Variants in SLC10A6 observed in about 807,000 individuals in gnomAD.
The protein encoded by SLC10A6 is sodium-dependent organic anion transporter.
In SLC10A6, 27 loss-of-function variants were observed where a neutral mutation model predicts 30.0. That is an observed-to-expected ratio of 0.90 (90% CI 0.66 to 1.24). The LOEUF (loss-of-function observed/expected upper bound fraction) is 1.24, where lower values mean the gene tolerates loss of function less well. Ranked by LOEUF, SLC10A6 falls within the 50% of genes most tolerant of loss-of-function variation. The pLI is 0.00. For synonymous variants in SLC10A6, 166 were observed against 173.8 expected, an observed-to-expected ratio of 0.95 and a Z score of 0.36; for missense variants, 439 against 457.0, an observed-to-expected ratio of 0.96 and a Z score of 0.36.
intron 2 of SLC10A6, among the ~76,000 whole-genome samples, chr4:86,832,500 G>A (rs567621533): frequency 7.2e-5 from 11 of 152,048 alleles, no homozygotes; most frequent in Non-Finnish European, 8.8e-5. Flanking sequence ...CCAGCTACTC[G>A]GAAGGCTGAG....
intron 1 of SLC10A6, among the ~76,000 whole-genome samples, chr4:86,837,398 A>G (rs1046454289): frequency 2.0e-5 from 3 of 152,034 alleles, no homozygotes; most frequent in Non-Finnish European, 4.4e-5. Flanking sequence ...ATCATGTTGT[A>G]CACCATAAAT....
chr4:86,838,213 T>C (rs1183789743), intron 1 of SLC10A6, among the ~76,000 whole-genome samples: 1 of 152,208 alleles, frequency 6.6e-6, no homozygotes, highest in Admixed American at 6.5e-5. Flanking sequence ...AAATTAGCGA[T>C]CCTGCTTCTA....
intron 1 of SLC10A6, among the ~76,000 whole-genome samples, chr4:86,837,281 A>AAGAAAGAGAGAG (rs34533020): frequency 3.3e-5 from 3 of 90,378 alleles, no homozygotes; most frequent in African/African-American, 1.5e-4. Context: ...GAAAGAAAGA[A>AAGAAAGAGAGAG]AGAAAAAGAA....
chr4:86,839,920 T>A (rs893742545), intron 1 of SLC10A6, among the ~76,000 whole-genome samples: 14 of 151,254 alleles, frequency 9.3e-5, no homozygotes, highest in African/African-American at 2.7e-4. Flanking sequence ...TTTTTTATTT[T>A]TTTTTTTTAG....
intron 5 of SLC10A6, among the ~76,000 whole-genome samples, chr4:86,824,219 G>A (rs1248288820): frequency 3.3e-5 from 5 of 152,176 alleles, no homozygotes; most frequent in African/African-American, 7.2e-5. Flanking sequence ...CAAATACTGC[G>A]AGTGCTTACT....
At chr4:86,825,385 G>GT (rs1456532967) in intron 5 of SLC10A6, 35 bp downstream of exon 5, 1 of 1,550,276 alleles carries the variant, frequency 6.5e-7, no homozygotes, top group Non-Finnish European at 8.8e-7. Context: ...ACAATTTCCC[G>GT]TCAGTTATTT....
At chr4:86,832,918 T>C (rs1215258747) in intron 2 of SLC10A6, among the ~76,000 whole-genome samples, 1 of 152,170 alleles carries the variant, frequency 6.6e-6, no homozygotes, top group East Asian at 1.9e-4. Context: ...AGTTAAACCT[T>C]GGAGTATAAA....
intron 1 of SLC10A6, among the ~76,000 whole-genome samples, chr4:86,838,912 CAAAAAAA>C (rs149710895): frequency 4.0e-5 from 3 of 75,942 alleles, no homozygotes; most frequent in African/African-American, 1.0e-4. Flanking sequence ...GACAGTGTCT[CAAAAAAA>C]AAAAAAAAAA....
chr4:86,845,781 A>G (rs1361310681), intron 1 of SLC10A6, among the ~76,000 whole-genome samples: 1 of 152,224 alleles, frequency 6.6e-6, no homozygotes, highest in Non-Finnish European at 1.5e-5. Context: ...TTGAGTGGCC[A>G]TGGCGAGAAT....
chr4:86,843,764 T>TATA (rs919369538), intron 1 of SLC10A6, among the ~76,000 whole-genome samples: 1 of 152,106 alleles, frequency 6.6e-6, no homozygotes, highest in African/African-American at 2.4e-5. Context: ...GCCTGCCTTA[T>TATA]ATAATAATAA....
intron 3 of SLC10A6, among the ~76,000 whole-genome samples, chr4:86,829,738 C>T (rs1578754591): frequency 2.6e-5 from 4 of 151,102 alleles, no homozygotes; most frequent in South Asian, 4.2e-4. Flanking sequence ...TTACATTAGC[C>T]TAGTTTTTTT....
intron 4 of SLC10A6, among the ~76,000 whole-genome samples, chr4:86,827,297 T>A (rs531107415): frequency 1.6e-4 from 24 of 152,238 alleles, no homozygotes; most frequent in Non-Finnish European, 1.9e-4. Flanking sequence ...TCTAGCTCTA[T>A]GAACTTGGTC....
rs1394675638 is a variant in SLC10A6, at chr4:86,831,828, A to G, written c.549T>C (p.Asn183=). 6.2e-7 allele frequency: 1 copy of G among 1,613,558 alleles called. No individual in the cohort carries two copies. Among genetic ancestry groups the G allele is most frequent in the Non-Finnish European group, 8.5e-7 (1 of 1,179,742 alleles). The stretch of plus-strand genomic sequence containing the variant: ...TTTTGGATTGTTTTGGCCATCTGTA[A>G]TTCACATAGACACCAAAGGCCACAG... ...TIPVAFGVYV[N]YRWPKQSKII... is the part of the protein sequence containing the mutation. Residue 183 remains asparagine (N), a synonymous_variant, in exon 3 of 6, where the codon AAT becomes AAC. Coordinates refer to ENST00000273905, the MANE Select transcript of SLC10A6 (RefSeq NM_197965.3).
intron 1 of SLC10A6, among the ~76,000 whole-genome samples, chr4:86,843,081 G>A (rs1457561796): frequency 2.6e-5 from 4 of 151,934 alleles, no homozygotes; most frequent in Non-Finnish European, 5.9e-5. Flanking sequence ...ATGTTGGCCA[G>A]GCTGGTCTCG....
chr4:86,847,502 C>T (rs1290101900), intron 1 of SLC10A6, among the ~76,000 whole-genome samples: 1 of 152,004 alleles, frequency 6.6e-6, no homozygotes, highest in Non-Finnish European at 1.5e-5. Context: ...ATATTAGTGG[C>T]TTTGTATATG....
intron 1 of SLC10A6, among the ~76,000 whole-genome samples, chr4:86,844,741 AG>A (rs1746365277): frequency 6.6e-6 from 1 of 152,182 alleles, no homozygotes; most frequent in African/African-American, 2.4e-5. Flanking sequence ...GAAATACCCA[AG>A]CCTGCGTAAT....
intron 1 of SLC10A6, among the ~76,000 whole-genome samples, chr4:86,836,122 A>T (rs7657443): frequency 0.11 from 17,379 of 152,194 alleles, 2,899 homozygotes; most frequent in African/African-American, 0.37. Flanking sequence ...ATCAGAAGGA[A>T]GTTGTGGTCT....
At chr4:86,837,240 A>AAAGAAAGAAAGAAAG (rs1746204222) in intron 1 of SLC10A6, among the ~76,000 whole-genome samples, 1 of 107,392 alleles carries the variant, frequency 9.3e-6, no homozygotes, top group Non-Finnish European at 1.8e-5. Flanking sequence ...AGAAAGAAAG[A>AAAGAAAGAAAGAAAG]AAGAAAGAAA....
chr4:86,843,231 T>A (rs72874293), intron 1 of SLC10A6, among the ~76,000 whole-genome samples: 24,083 of 151,986 alleles, frequency 0.16, 2,188 homozygotes, highest in Middle Eastern at 0.19. Context: ...TGTCATTCAC[T>A]CATTCACTCA....
Sources: gnomAD v4.1 joint callset for allele counts (sites outside exome capture counted in the v4.1 genomes callset) on GRCh38, gnomAD v4.1.1 for gene constraint, MANE v1.5 for transcripts, NCBI Gene and HGNC (gene_info 2026-07-23, HGNC 2026-07-21) for gene names.